PCDHA2: variants seen among roughly 807,000 people sequenced by gnomAD.
PCDHA2 encodes the protein protocadherin alpha-2.
A neutral mutation model predicts 66.0 loss-of-function variants in PCDHA2; 58 were observed. That is an observed-to-expected ratio of 0.88 (90% CI 0.71 to 1.09). PCDHA2 has a LOEUF of 1.09. Among genes scored for constraint, PCDHA2 ranks in the 50% least tolerant of loss-of-function variants. The probability of loss-of-function intolerance (pLI) is 0.00; values close to 1 mark genes in which losing one functional copy is unlikely to be tolerated. For missense variants in PCDHA2, 1,267 were observed against 1,242.3 expected (o/e 1.02, Z -0.30); for synonymous variants, 634 against 554.0 (o/e 1.14, Z -2.03).
At chr5:140,838,382 C>T (rs189980882) in intron 1 of PCDHA2, among the ~76,000 whole-genome samples, 2 of 151,494 alleles carry the variant, frequency 1.3e-5, no homozygotes, top group East Asian at 3.9e-4. Flanking sequence ...CCTCAGCCTC[C>T]CAATGTGCTG....
chr5:140,976,743 C>A (rs782329745), intron 1 of PCDHA2, among the ~76,000 whole-genome samples: 16 of 152,116 alleles, frequency 1.1e-4, no homozygotes, highest in Non-Finnish European at 1.5e-4. Context: ...ATTTTAAAAA[C>A]CTCCCAGATG....
chr5:140,869,502 C>T lies in PCDHA2; in HGVS notation c.2388+72150C>T, dbSNP rs2051182557. 3 of 1,614,090 alleles carry T rather than the reference C, an allele frequency of 1.9e-6. No homozygotes were observed. In the African/African-American group the frequency reaches 4.0e-5, roughly 22 times the overall value. On this transcript the variant is annotated intron_variant, in intron 1 of 3. Transcript: ENST00000526136. Reference sequence around the variant, plus strand: ...ACATTAACGACAACCCGCCGGTGTTCTCGCTCAGAGAACAAAAGCTGCTGA... The same window carrying T: ...ACATTAACGACAACCCGCCGGTGTTTTCGCTCAGAGAACAAAAGCTGCTGA...
At position 140,851,351 on chromosome 5, in the gene PCDHA2, G is replaced by A. The variant is rs2042034892; in HGVS notation, c.2388+53999G>A. ...GTAGTTCTCTACATTTCTCTGGATG[G>A]AGACTGTGAACATCTGATTGTTCAG... is the stretch of plus-strand genomic sequence containing the variant. On this transcript the variant is annotated intron_variant, in intron 1 of 3. Coordinates refer to ENST00000526136, the MANE Select transcript of PCDHA2 (RefSeq NM_018905.3). The A allele has an allele frequency of 7.2e-6, 7 of 975,904 alleles. 1 individual carries two copies. Among genetic ancestry groups the A allele is most frequent in the Non-Finnish European group, 8.7e-6 (7 of 803,048 alleles). The allele number at this position is 975,904 out of a possible 1,614,324, so 60.5% of individuals were successfully genotyped here. A position where few individuals can be genotyped will look rare whatever the true frequency, so the allele number is the denominator to read the frequency against.
chr5:140,870,927 T>G (rs782446287), intron 1 of PCDHA2: 1 of 1,613,880 alleles, frequency 6.2e-7, no homozygotes, highest in South Asian at 1.1e-5. Context: ...GGCTTTCATA[T>G]GAATTGCAGC....
intron 1 of PCDHA2, among the ~76,000 whole-genome samples, chr5:140,914,462 G>A (rs1554196374): frequency 6.6e-6 from 1 of 152,068 alleles, no homozygotes; most frequent in East Asian, 1.9e-4. Context: ...CAGTCTATGT[G>A]TATCTTCATA....
intron 1 of PCDHA2, chr5:140,825,479 G>GT (rs1181440529): frequency 6.7e-6 from 1 of 149,750 alleles, no homozygotes; most frequent in Admixed American, 6.7e-5. Flanking sequence ...TTTTGCTCTT[G>GT]TTGCCCAAAC....
rs781919488 is a variant in PCDHA2 at position 141,010,129 on chromosome 5, G to T, written c.*192G>T. 1 of 1,601,910 alleles carries T rather than the reference G, an allele frequency of 6.2e-7. No individual in the cohort carries two copies. Among genetic ancestry groups the T allele is most frequent in the East Asian group, 2.2e-5 (1 of 44,578 alleles). ...TGTCGTAAAAGCTTTACTAAGTCTGGTGTTAACTCTTTCTCTCCACTCTGG... is the reference window on the plus strand; with the variant it reads ...TGTCGTAAAAGCTTTACTAAGTCTGTTGTTAACTCTTTCTCTCCACTCTGG... On this transcript the variant is annotated 3_prime_UTR_variant, in exon 4 of 4. Transcript: ENST00000526136.
At chr5:141,007,977 T>A (rs564286183) in intron 3 of PCDHA2, among the ~76,000 whole-genome samples, 20 of 152,362 alleles carry the variant, frequency 1.3e-4, no homozygotes, top group African/African-American at 4.8e-4. Flanking sequence ...GTCTGTCATG[T>A]ATATATGAAA....
intron 1 of PCDHA2, chr5:140,809,441 C>T (rs1554125216): frequency 1.2e-6 from 2 of 1,614,208 alleles, no homozygotes; most frequent in South Asian, 1.1e-5. Context: ...GTCATACTCG[C>T]AGCAGAGGAG....
At chr5:140,822,757 C>T (rs2150119240) in intron 1 of PCDHA2, 44 of 1,613,870 alleles carry the variant, frequency 2.7e-5, no homozygotes, top group Non-Finnish European at 3.6e-5. Flanking sequence ...AAGTACATTC[C>T]CATTATCAGG....
Position 140,822,569 on chromosome 5 carries a change from C to T in PCDHA2, c.2388+25217C>T. On this transcript the variant is annotated intron_variant, in intron 1 of 3. Transcript: ENST00000526136. ...GGGACATTAGTTATTAAACTGAACGCCTCAGATGCAGATGAGGGCATCAAT... is the reference window on the plus strand; with the variant it reads ...GGGACATTAGTTATTAAACTGAACGTCTCAGATGCAGATGAGGGCATCAAT... 6.2e-7 allele frequency: 1 copy of T among 1,612,930 alleles called. No homozygotes were observed. Among genetic ancestry groups the T allele is most frequent in the Non-Finnish European group, 8.5e-7 (1 of 1,179,160 alleles).
intron 1 of PCDHA2, among the ~76,000 whole-genome samples, chr5:140,906,171 C>T (rs2072420841): frequency 6.6e-6 from 1 of 152,178 alleles, no homozygotes; most frequent in Non-Finnish European, 1.5e-5. Flanking sequence ...AGGAACAATA[C>T]TTTGCATCCT....
At chr5:140,860,807 G>C (rs907238053) in intron 1 of PCDHA2, 3 of 152,116 alleles carry the variant, frequency 2.0e-5, no homozygotes. Context: ...GCACGATCTC[G>C]GCTCACTGCA....
intron 1 of PCDHA2, chr5:140,856,710 T>A: frequency 6.3e-7 from 1 of 1,596,610 alleles, no homozygotes; most frequent in Non-Finnish European, 8.6e-7. Context: ...AAACCTGAAT[T>A]TACCGGATCT....
chr5:140,827,859 T>C (rs1769432236), intron 1 of PCDHA2: 1 of 511,426 alleles, frequency 2.0e-6, no homozygotes, highest in South Asian at 3.9e-5. Context: ...TAAAAATATA[T>C]GGTATAGCAC....
intron 1 of PCDHA2, chr5:140,870,575 A>G (rs2052179546): frequency 6.2e-7 from 1 of 1,613,690 alleles, no homozygotes; most frequent in Admixed American, 1.7e-5. Flanking sequence ...CTGGTGTCCT[A>G]CTCGCTGGTG....
At chr5:140,803,618 A>C in intron 1 of PCDHA2, 3 of 1,614,038 alleles carry the variant, frequency 1.9e-6, no homozygotes, top group Non-Finnish European at 2.5e-6. Flanking sequence ...TATTCTTTCC[A>C]AAATGTCTTT....
At chr5:140,870,125 A>G (rs782777018) in intron 1 of PCDHA2, 29 of 1,613,792 alleles carry the variant, frequency 1.8e-5, no homozygotes, top group African/African-American at 2.7e-5. Flanking sequence ...GAAATCTTGG[A>G]CACCAACGAT....
intron 1 of PCDHA2, among the ~76,000 whole-genome samples, chr5:140,921,651 C>T (rs155817): frequency 0.33 from 49,637 of 151,902 alleles, 8,394 homozygotes; most frequent in East Asian, 0.53. Context: ...TTTAAGGGAA[C>T]TTAATAAAAA....
Sources: gnomAD v4.1 joint callset for allele counts (sites outside exome capture counted in the v4.1 genomes callset) on GRCh38, gnomAD v4.1.1 for gene constraint, MANE v1.5 for transcripts, NCBI Gene and HGNC (gene_info 2026-07-23, HGNC 2026-07-21) for gene names.